ADCY9: variants seen among roughly 807,000 people sequenced by gnomAD.
ADCY9 encodes adenylate cyclase type 9.
ADCY9 carries 50 observed loss-of-function variants against 101.5 expected under a neutral mutation model. The ratio of observed to expected loss-of-function variants is 0.49; its 90% CI spans 0.39 to 0.62. The LOEUF (loss-of-function observed/expected upper bound fraction) is 0.62, where lower values mean the gene tolerates loss of function less well. Among genes scored for constraint, ADCY9 ranks in the 20% least tolerant of loss-of-function variants. The pLI is 0.00. For synonymous variants in ADCY9, 905 were observed against 769.3 expected, an observed-to-expected ratio of 1.18 and a Z score of -2.92; for missense variants, 1,662 against 1,800.4, an observed-to-expected ratio of 0.92 and a Z score of 1.39.
In ADCY9 at chr16:3,977,731, T is replaced by G. The variant is rs553315343; in HGVS notation, c.2680-101A>C. ...TCGCCACTAATCCATGTTTCCTTTTTTTTTTGACTGAGTCTCACTCTGTCG... is the reference window on the plus strand; with the variant it reads ...TCGCCACTAATCCATGTTTCCTTTTGTTTTTGACTGAGTCTCACTCTGTCG... On this transcript the variant is annotated intron_variant, in intron 8 of 10. Transcript: ENST00000294016. The G allele has an allele frequency of 3.7e-4, 524 of 1,422,476 alleles. 1 individual carries two copies. Among genetic ancestry groups the G allele is most frequent in the Non-Finnish European group, 4.7e-4 (499 of 1,063,222 alleles). 88.1% of individuals were successfully genotyped at this position (1,422,476 alleles called of 1,614,324 possible). A position where few individuals can be genotyped will look rare whatever the true frequency, so the allele number is the denominator to read the frequency against.
Position 4,057,726 on chromosome 16 carries a change from A to G in ADCY9, c.1694-50168T>C, listed in dbSNP as rs1201259884. Among the ~76,000 whole-genome samples the G allele has an allele frequency of 2.0e-5, 3 of 152,186 alleles. No individual in the cohort carries two copies. The East Asian group carries it at 5.8e-4, about 29-fold the overall frequency. On this transcript the variant is annotated intron_variant, in intron 2 of 10. Coordinates refer to ENST00000294016, the MANE Select transcript of ADCY9 (RefSeq NM_001116.4). Reference sequence around the variant, plus strand: ...TTGTTCATTCTGAATAAGGATGACGACACCAGGAAGCGGAGGCCCGGGGAG... The same window carrying G: ...TTGTTCATTCTGAATAAGGATGACGGCACCAGGAAGCGGAGGCCCGGGGAG...
intron 10 of ADCY9, among the ~76,000 whole-genome samples, chr16:3,972,862 C>G (rs1056203155): frequency 6.6e-6 from 1 of 151,990 alleles, no homozygotes; most frequent in Non-Finnish European, 1.5e-5. Flanking sequence ...GGTGTGTTCT[C>G]TGGTGAAAAT....
intron 3 of ADCY9, among the ~76,000 whole-genome samples, chr16:3,997,171 C>T (rs1228667079): frequency 6.6e-6 from 1 of 152,200 alleles, no homozygotes; most frequent in African/African-American, 2.4e-5. Flanking sequence ...GGCCAACCCT[C>T]CTGTGCTTTA....
chr16:3,995,314 G>A (rs2141706845), intron 3 of ADCY9, among the ~76,000 whole-genome samples: 1 of 152,284 alleles, frequency 6.6e-6, no homozygotes, highest in Non-Finnish European at 1.5e-5. Context: ...TGTAGTCCCA[G>A]CTACTTGTGG....
At chr16:3,969,379 G>A (rs2056027254) in intron 10 of ADCY9, among the ~76,000 whole-genome samples, 1 of 149,960 alleles carries the variant, frequency 6.7e-6, no homozygotes, top group South Asian at 2.1e-4. Flanking sequence ...CCTGAGTAGT[G>A]TGCGCCACCA....
At chr16:4,028,009 T>C (rs986147877) in intron 2 of ADCY9, among the ~76,000 whole-genome samples, 22 of 152,036 alleles carry the variant, frequency 1.4e-4, no homozygotes, top group African/African-American at 5.1e-4. Context: ...CATGTGGGAA[T>C]TGTGGGAGTC....
intron 2 of ADCY9, among the ~76,000 whole-genome samples, chr16:4,064,121 A>G (rs2056787563): frequency 6.6e-6 from 1 of 152,260 alleles, no homozygotes; most frequent in Non-Finnish European, 1.5e-5. Flanking sequence ...CAGGAAATCA[A>G]CTGTTTTGTG....
chr16:3,964,522 T>C lies in ADCY9; in HGVS notation c.*1253A>G, dbSNP rs1220507762. ...ATTAAATCCTGCCACTGATAGGCCCTGTGCCATCTGAGAGCGGGAGGCAGC... is the reference window on the plus strand; with the variant it reads ...ATTAAATCCTGCCACTGATAGGCCCCGTGCCATCTGAGAGCGGGAGGCAGC... On this transcript the variant is annotated 3_prime_UTR_variant, in exon 11 of 11. Coordinates refer to ENST00000294016, the MANE Select transcript of ADCY9 (RefSeq NM_001116.4). 1 of 152,374 alleles carries C rather than the reference T, an allele frequency of 6.6e-6. No individual in the cohort carries two copies. The highest frequency in any genetic ancestry group is 2.4e-5 in the African/African-American group (1 of 41,472). 9.4% of individuals were successfully genotyped at this position (152,374 alleles called of 1,614,324 possible). A position where few individuals can be genotyped will look rare whatever the true frequency, so the allele number is the denominator to read the frequency against.
At chr16:4,097,265 T>G (rs1436454529) in intron 2 of ADCY9, among the ~76,000 whole-genome samples, 1 of 151,692 alleles carries the variant, frequency 6.6e-6, no homozygotes, top group Admixed American at 6.6e-5. Context: ...CCAGGCACCA[T>G]GCGCTGGTCA....
chr16:3,981,646 G>A (rs1468685962), intron 7 of ADCY9: 1 of 152,184 alleles, frequency 6.6e-6, no homozygotes, highest in Non-Finnish European at 1.5e-5. Context: ...AGAATGGAGT[G>A]CAATGGTGCG....
intron 2 of ADCY9, among the ~76,000 whole-genome samples, chr16:4,043,337 C>T (rs1184566501): frequency 1.3e-5 from 2 of 152,072 alleles, no homozygotes; most frequent in Non-Finnish European, 2.9e-5. Context: ...CAGAGGAATA[C>T]ACCACTGGAG....
chr16:3,981,487 T>G (rs1020507660), intron 7 of ADCY9, among the ~76,000 whole-genome samples: 5 of 151,954 alleles, frequency 3.3e-5, no homozygotes, highest in African/African-American at 1.2e-4. Context: ...TGCCCGATAG[T>G]TACATAGTGG....
chr16:4,034,857 C>T (rs1237444741), intron 2 of ADCY9, among the ~76,000 whole-genome samples: 2 of 152,138 alleles, frequency 1.3e-5, no homozygotes, highest in Non-Finnish European at 2.9e-5. Context: ...TGGACCTTGC[C>T]GGCTGGAAGC....
chr16:4,080,662 T>C (rs2056895970), intron 2 of ADCY9, among the ~76,000 whole-genome samples: 1 of 151,944 alleles, frequency 6.6e-6, no homozygotes, highest in Admixed American at 6.6e-5. Flanking sequence ...AAAAAATATA[T>C]ACACCTTCAG....
chr16:3,957,327 A>C (rs1268061165), intron 5 of ADCY9, among the ~76,000 whole-genome samples: 3 of 152,258 alleles, frequency 2.0e-5, no homozygotes, highest in Admixed American at 2.0e-4. Context: ...GCTCGTTGGC[A>C]GAAAAGCATA....
chr16:3,961,459 A>AC (rs2055937845), downstream of ADCY9, among the ~76,000 whole-genome samples: 3 of 151,726 alleles, frequency 2.0e-5, no homozygotes. Context: ...AAAAAAAAAA[A>AC]AACCGAACAA....
intron 2 of ADCY9, 95 bp from the exon 3 acceptor site, chr16:4,007,653 A>G (rs978282470): frequency 6.9e-5 from 74 of 1,069,462 alleles, no homozygotes; most frequent in Non-Finnish European, 8.8e-5. Context: ...TCACTCCTGG[A>G]AAGTTGAGAG....
intron 3 of ADCY9, among the ~76,000 whole-genome samples, chr16:3,999,364 G>C (rs12935810): frequency 6.6e-6 from 1 of 152,012 alleles, no homozygotes. Flanking sequence ...GTATGATCTC[G>C]TCCTTTGCAG....
intron 2 of ADCY9, among the ~76,000 whole-genome samples, chr16:4,011,481 C>T (rs898086482): frequency 6.6e-6 from 1 of 152,180 alleles, no homozygotes; most frequent in Non-Finnish European, 1.5e-5. Context: ...AGTTGGGAGG[C>T]ACGGGAGTCA....
Sources: allele counts gnomAD v4.1 joint callset (sites outside exome capture counted in the v4.1 genomes callset), GRCh38; gene constraint gnomAD v4.1.1; transcripts MANE v1.5; gene names NCBI Gene and HGNC (gene_info 2026-07-23, HGNC 2026-07-21).